Variants in CASS4 observed in about 807,000 individuals in gnomAD.
The protein encoded by CASS4 is Cas scaffold protein family member 4, also known as cas scaffolding protein family member 4.
CASS4 carries 22 observed loss-of-function variants against 54.2 expected under a neutral mutation model. The observed-to-expected ratio is 0.41, with a 90% CI of 0.29 to 0.58. The LOEUF (loss-of-function observed/expected upper bound fraction) is 0.58, where lower values mean the gene tolerates loss of function less well. CASS4 is among the 20% of genes least tolerant of loss of function. CASS4 has a pLI of 0.36. For synonymous variants in CASS4, 409 were observed against 391.5 expected (o/e 1.04, Z -0.53); for missense variants, 854 against 986.7 (o/e 0.87, Z 1.80).
intron 5 of CASS4, among the ~76,000 whole-genome samples, chr20:56,454,598 C>G (rs1981197559): frequency 1.3e-5 from 2 of 152,194 alleles, no homozygotes; most frequent in African/African-American, 4.8e-5. Context: ...TGAACTTAAA[C>G]AGTTCCACTG....
intron 3 of CASS4, among the ~76,000 whole-genome samples, chr20:56,449,719 T>C (rs1667298965): frequency 6.6e-6 from 1 of 151,966 alleles, no homozygotes; most frequent in Non-Finnish European, 1.5e-5. Flanking sequence ...GCCTGGCACT[T>C]AGGTCATTGC....
At chr20:56,448,184 A>G (rs1322415967) in intron 3 of CASS4, among the ~76,000 whole-genome samples, 1 of 151,850 alleles carries the variant, frequency 6.6e-6, no homozygotes, top group Non-Finnish European at 1.5e-5. Flanking sequence ...ACACACTTGT[A>G]TGACTCATTT....
rs999874366 is a variant in CASS4 at position 56,452,078 on chromosome 20, A to T, written c.902A>T (p.Gln301Leu). ...TPQLNNNVPM[Q>L]KKLSLPEIPS... is the part of the protein sequence containing the mutation. ...CAACTGAATAACAATGTGCCCATGC[A>T]GAAAAAACTCAGCCTTCCAGAAATT... The change falls in exon 5 of 6, where the codon CAG (glutamine) becomes CTG (leucine). Residue 301 changes from glutamine (Q) to leucine (L), a missense_variant. Physicochemically the swap from Gln to Leu is moderately radical, Grantham distance 113. Transcript: ENST00000679887. The T allele has an allele frequency of 1.9e-6, 3 of 1,614,242 alleles. No homozygotes were observed. The highest frequency in any genetic ancestry group is 4.5e-5 in the East Asian group (2 of 44,890).
At chr20:56,427,096 G>A (rs934665070) in intron 1 of CASS4, among the ~76,000 whole-genome samples, 7 of 151,402 alleles carry the variant, frequency 4.6e-5, no homozygotes, top group Admixed American at 1.3e-4. Context: ...AGGAGTTTAA[G>A]GCTGTAGTGC....
At chr20:56,413,425 C>T (rs1003962473) in intron 1 of CASS4, among the ~76,000 whole-genome samples, 9 of 151,932 alleles carry the variant, frequency 5.9e-5, no homozygotes, top group Non-Finnish European at 1.3e-4. Flanking sequence ...GTAATCCCAG[C>T]ACTTTGGGAG....
intron 5 of CASS4, chr20:56,453,668 C>G (rs1023923886): frequency 6.5e-6 from 1 of 153,360 alleles, no homozygotes; most frequent in African/African-American, 2.4e-5. Flanking sequence ...GCAGGAGGAT[C>G]CCTTGAGGCA....
rs563498831 is a variant in CASS4 at position 56,457,228 on chromosome 20, C to T, written c.1954-1112C>T. Among the ~76,000 whole-genome samples the T allele has an allele frequency of 1.1e-4, 16 of 152,256 alleles. No individual in the cohort carries two copies. In the South Asian group the frequency reaches 1.2e-3, roughly 12 times the overall value. ...TATGCCCTATCTGTCTGAATGCTTC[C>T]GGGCTATGAATTTTGAGATAATAGG... is the stretch of plus-strand genomic sequence containing the variant. On this transcript the variant is annotated intron_variant, in intron 5 of 5. Coordinates refer to ENST00000679887, the MANE Select transcript of CASS4 (RefSeq NM_020356.4).
chr20:56,443,695 G>C (rs1359139997), intron 2 of CASS4, among the ~76,000 whole-genome samples: 1 of 152,116 alleles, frequency 6.6e-6, no homozygotes, highest in African/African-American at 2.4e-5. Flanking sequence ...TCTAAGCGAA[G>C]CTGTGTCTTG....
intron 1 of CASS4, among the ~76,000 whole-genome samples, chr20:56,425,576 T>C (rs535392725): frequency 1.3e-5 from 2 of 152,222 alleles, no homozygotes; most frequent in African/African-American, 4.8e-5. Context: ...TTGGCCAAGA[T>C]TAAGATGGAC....
intron 3 of CASS4, among the ~76,000 whole-genome samples, chr20:56,448,320 A>G (rs542997758): frequency 6.6e-6 from 1 of 152,266 alleles, no homozygotes; most frequent in Admixed American, 6.5e-5. Flanking sequence ...AGTATTTACT[A>G]TGATGATTGA....
At chr20:56,434,936 T>C (rs1163044918) in intron 1 of CASS4, among the ~76,000 whole-genome samples, 1 of 152,234 alleles carries the variant, frequency 6.6e-6, no homozygotes, top group East Asian at 1.9e-4. Context: ...TGCAGGCATT[T>C]TAATTTTCTT....
rs1980256066 is a variant in CASS4 at position 56,437,622 on chromosome 20, G to A, written c.459+36G>A. ...TTCCACCTACTAGACATGGGTTGAG[G>A]GGTATGGAAACACCCAGAGGCCTAA... On this transcript the variant is annotated intron_variant, in intron 2 of 5. Transcript: ENST00000679887. This position sits in a 1 kb window ranked among gnomAD's most constrained non-coding sequence, Gnocchi z 4.7. 1.3e-6 allele frequency: 2 copies of A among 1,500,648 alleles called. No homozygotes were observed. The highest frequency in any genetic ancestry group is 1.8e-6 in the Non-Finnish European group (2 of 1,122,388). 93.0% of individuals were successfully genotyped at this position (1,500,648 alleles called of 1,614,324 possible). A position where few individuals can be genotyped will look rare whatever the true frequency, so the allele number is the denominator to read the frequency against.
At chr20:56,425,462 G>A (rs750874722) in intron 1 of CASS4, among the ~76,000 whole-genome samples, 14 of 152,170 alleles carry the variant, frequency 9.2e-5, no homozygotes, top group Non-Finnish European at 1.6e-4. Context: ...TGCTGTACAC[G>A]GTCCAGGCCC....
In CASS4 at chr20:56,412,643, A is replaced by G; in HGVS notation, c.36+149A>G. ...AGATGGGAAAGTTTAACATAAGTTT[A>G]AGTGTGGGAAATAGATGTGTTGTAA... On this transcript the variant is annotated intron_variant, in intron 1 of 5. Transcript: ENST00000679887. The surrounding 1 kb of genome is among the most constrained non-coding windows in gnomAD (Gnocchi z 4.2). The G allele has an allele frequency of 7.5e-6, 6 of 798,766 alleles. No individual in the cohort carries two copies. The highest frequency in any genetic ancestry group is 1.0e-5 in the Non-Finnish European group (5 of 493,274). The allele number at this position is 798,766 out of a possible 1,614,324, so 49.5% of individuals were successfully genotyped here.
rs1023936111 is a variant in CASS4 at position 56,414,523 on chromosome 20, T to C, written c.36+2029T>C. Among the ~76,000 whole-genome samples the C allele has an allele frequency of 2.0e-5, 3 of 152,178 alleles. No individual in the cohort carries two copies. Among genetic ancestry groups the C allele is most frequent in the African/African-American group, 7.2e-5 (3 of 41,450 alleles). On this transcript the variant is annotated intron_variant, in intron 1 of 5. Coordinates refer to ENST00000679887, the MANE Select transcript of CASS4 (RefSeq NM_020356.4). This position sits in a 1 kb window ranked among gnomAD's most constrained non-coding sequence, Gnocchi z 4.1. ...CAAATTCCTGAACTCAGGTGATTCT[T>C]CTGCCTCAGCCTCCCAAGTACAGGA...
chr20:56,455,941 A>G (rs1042062060), intron 5 of CASS4, among the ~76,000 whole-genome samples: 1 of 151,696 alleles, frequency 6.6e-6, no homozygotes, highest in African/African-American at 2.4e-5. Flanking sequence ...CAAGAAAACA[A>G]ACAAACAAAA....
rs770612500 is a variant in CASS4, at chr20:56,452,412, G to A, written c.1236G>A (p.Ser412=). 50 of 1,613,778 alleles carry A rather than the reference G, an allele frequency of 3.1e-5. No homozygotes were observed. The East Asian group carries it at 3.8e-4, about 12-fold the overall frequency. The change falls in exon 5 of 6, where the codon TCG becomes TCA. Residue 412 remains serine (S), a synonymous_variant. Transcript: ENST00000679887. ...ACAGCAGAGCTAGCATCGTTTCCTCGTGCTCCACCACATCCACCGACGACT... is the reference window on the plus strand; with the variant it reads ...ACAGCAGAGCTAGCATCGTTTCCTCATGCTCCACCACATCCACCGACGACT... ...SSDSRASIVS[S]CSTTSTDDSS...
chr20:56,445,796 G>T, intron 2 of CASS4, 104 bp from the exon 3 acceptor site: 1 of 879,906 alleles, frequency 1.1e-6, no homozygotes, highest in African/African-American at 1.6e-5. Flanking sequence ...CCCTTCAGCA[G>T]TATCCACCCA....
chr20:56,456,537 C>G (rs199775680), intron 5 of CASS4, among the ~76,000 whole-genome samples: 3 of 152,108 alleles, frequency 2.0e-5, no homozygotes, highest in East Asian at 3.9e-4. Flanking sequence ...CCACACCCGG[C>G]TAATTTTTTG....
Sources: gnomAD v4.1 joint callset for allele counts (sites outside exome capture counted in the v4.1 genomes callset) on GRCh38, gnomAD v4.1.1 for gene constraint, Gnocchi (gnomAD v3.1) non-coding constraint, MANE v1.5 for transcripts, NCBI Gene and HGNC (gene_info 2026-07-23, HGNC 2026-07-21) for gene names.